Variants in CRYL1 observed in about 807,000 individuals in gnomAD.
CRYL1 encodes crystallin lambda 1.
A neutral mutation model predicts 36.6 loss-of-function variants in CRYL1; 29 were observed. The ratio of observed to expected loss-of-function variants is 0.79; its 90% CI spans 0.59 to 1.08. The LOEUF (loss-of-function observed/expected upper bound fraction) is 1.08, where lower values mean the gene tolerates loss of function less well. Among genes scored for constraint, CRYL1 ranks in the 50% least tolerant of loss-of-function variants. CRYL1 has a pLI of 0.00. For missense variants in CRYL1, 411 were observed against 407.9 expected, an observed-to-expected ratio of 1.01 and a Z score of -0.06; for synonymous variants, 152 against 151.5, an observed-to-expected ratio of 1.00 and a Z score of -0.02.
At chr13:20,463,083 C>T (rs2032864306) in intron 3 of CRYL1, among the ~76,000 whole-genome samples, 1 of 152,178 alleles carries the variant, frequency 6.6e-6, no homozygotes, top group African/African-American at 2.4e-5. Context: ...GTCTGCCCAC[C>T]TCCTGAGCCT....
At chr13:20,461,032 G>C (rs2137431536) in intron 3 of CRYL1, among the ~76,000 whole-genome samples, 1 of 152,252 alleles carries the variant, frequency 6.6e-6, no homozygotes, top group South Asian at 2.1e-4. Context: ...GGTAGCCGCT[G>C]TCTCCACTTC....
At chr13:20,423,908 C>G (rs1033578004) in intron 5 of CRYL1, among the ~76,000 whole-genome samples, 1 of 151,310 alleles carries the variant, frequency 6.6e-6, no homozygotes, top group African/African-American at 2.4e-5. Context: ...GTAGCTGGGA[C>G]TACAGGTGCA....
intron 6 of CRYL1, among the ~76,000 whole-genome samples, chr13:20,412,538 T>C (rs889610048): frequency 5.9e-5 from 9 of 152,202 alleles, no homozygotes; most frequent in African/African-American, 2.2e-4. Flanking sequence ...TCTCTCCAGA[T>C]TTTATACATA....
At chr13:20,431,027 C>T (rs1319951449) in intron 5 of CRYL1, 11 of 985,288 alleles carry the variant, frequency 1.1e-5, no homozygotes, top group East Asian at 2.3e-4. Context: ...GACACAGAAT[C>T]GAGGCAACCG....
At chr13:20,490,776 G>GGTCT (rs2033495742) in intron 2 of CRYL1, among the ~76,000 whole-genome samples, 1 of 152,142 alleles carries the variant, frequency 6.6e-6, no homozygotes, top group South Asian at 2.1e-4. Flanking sequence ...CGGGGCATGT[G>GGTCT]GTCTGTGCGG....
chr13:20,491,332 A>G (rs931854002), intron 2 of CRYL1, among the ~76,000 whole-genome samples: 2 of 152,208 alleles, frequency 1.3e-5, no homozygotes, highest in Non-Finnish European at 2.9e-5. Context: ...TAAAACAGCT[A>G]TCTTATTTTG....
At chr13:20,501,009 G>GC (rs1046547528) in intron 2 of CRYL1, among the ~76,000 whole-genome samples, 12 of 151,832 alleles carry the variant, frequency 7.9e-5, no homozygotes, top group African/African-American at 2.7e-4. Flanking sequence ...TTGCTTCCTT[G>GC]CCCCCCCCTA....
At chr13:20,498,267 T>TATACACACTACACACACACCACC (rs2033647894) in intron 2 of CRYL1, among the ~76,000 whole-genome samples, 1 of 147,716 alleles carries the variant, frequency 6.8e-6, no homozygotes, top group Non-Finnish European at 1.5e-5. Context: ...ACACACCCCA[T>TATACACACTACACACACACCACC]ATACACACTA....
chr13:20,501,751 G>A (rs1208258912), intron 2 of CRYL1, among the ~76,000 whole-genome samples: 1 of 152,190 alleles, frequency 6.6e-6, no homozygotes, highest in African/African-American at 2.4e-5. Flanking sequence ...TGGGATGGCT[G>A]TGTTGTGCTG....
chr13:20,487,433 T>C (rs1244957356), intron 3 of CRYL1, among the ~76,000 whole-genome samples: 1 of 152,152 alleles, frequency 6.6e-6, no homozygotes, highest in Non-Finnish European at 1.5e-5. Context: ...AAAGGTAACA[T>C]GGTCTGGGAA....
Position 20,460,909 on chromosome 13 carries a change from C to G in CRYL1, c.277-21155G>C, listed in dbSNP as rs191861675. Among the ~76,000 whole-genome samples the G allele has an allele frequency of 1.6e-3, 245 of 152,246 alleles. 1 individual carries two copies. Among genetic ancestry groups the G allele is most frequent in the Middle Eastern group, 0.01 (3 of 294 alleles). ...TACAGAAGAATGTATATAGTAAGTG[C>G]ACAGCTGGGTGGGTTTTCACACAAA... On this transcript the variant is annotated intron_variant, in intron 3 of 7. Transcript: ENST00000298248.
At chr13:20,495,789 G>T (rs1488463886) in intron 2 of CRYL1, among the ~76,000 whole-genome samples, 2 of 152,216 alleles carry the variant, frequency 1.3e-5, no homozygotes, top group African/African-American at 4.8e-5. Context: ...ACCTACGGTG[G>T]AATCTTATTC....
intron 3 of CRYL1, among the ~76,000 whole-genome samples, chr13:20,440,542 C>T (rs537008297): frequency 1.1e-3 from 175 of 152,262 alleles, no homozygotes; most frequent in Non-Finnish European, 1.4e-3. Context: ...AGTCTGCCAA[C>T]GATATGGGGG....
intron 6 of CRYL1, among the ~76,000 whole-genome samples, chr13:20,407,669 T>C (rs1244001836): frequency 1.3e-5 from 2 of 152,216 alleles, no homozygotes; most frequent in African/African-American, 4.8e-5. Context: ...TTCTAATTCT[T>C]CCAAAACCCT....
intron 5 of CRYL1, chr13:20,427,332 C>G (rs1486300950): frequency 2.0e-6 from 2 of 985,166 alleles, no homozygotes; most frequent in Non-Finnish European, 1.2e-6. Context: ...ACGGAGTGAA[C>G]ATCTGTGAGA....
At chr13:20,446,797 T>G (rs888165171) in intron 3 of CRYL1, among the ~76,000 whole-genome samples, 2 of 152,230 alleles carry the variant, frequency 1.3e-5, no homozygotes, top group Non-Finnish European at 2.9e-5. Flanking sequence ...GTGTGTGTTT[T>G]TATTAATGAC....
chr13:20,420,750 T>TGTG (rs2031789297), intron 5 of CRYL1, among the ~76,000 whole-genome samples: 1 of 129,296 alleles, frequency 7.7e-6, no homozygotes, highest in Non-Finnish European at 1.6e-5. Context: ...TGTGTGTGTG[T>TGTG]TTTGAGACAG....
At chr13:20,438,598 C>T (rs925195885) in intron 4 of CRYL1, among the ~76,000 whole-genome samples, 14 of 152,178 alleles carry the variant, frequency 9.2e-5, no homozygotes, top group Non-Finnish European at 1.9e-4. Flanking sequence ...GCACACCGAG[C>T]GTGTTCTTGG....
In CRYL1 at chr13:20,432,241, G is replaced by GTAAACTT. The variant is rs1197344436; in HGVS notation, c.493_494insAAGTTTA (p.Ala165GlufsTer56). 1.9e-6 allele frequency: 3 copies of GTAAACTT among 1,613,632 alleles called. No individual in the cohort carries two copies. Among genetic ancestry groups the GTAAACTT allele is most frequent in the Non-Finnish European group, 2.5e-6 (3 of 1,179,888 alleles). On this transcript the variant is annotated frameshift_variant, in exon 5 of 8. Transcript: ENST00000298248. LOFTEE classifies it high-confidence loss of function. ...GTGGGTTCTGTCCACTGTCGTAGGG[G>GTAAACTT]CCGTCTCCGGGTGGGGGACCAGCTC...
Sources: allele counts gnomAD v4.1 joint callset (sites outside exome capture counted in the v4.1 genomes callset), GRCh38; gene constraint gnomAD v4.1.1; transcripts MANE v1.5; gene names NCBI Gene and HGNC (gene_info 2026-07-23, HGNC 2026-07-21).